CTNNA3: variants seen among roughly 807,000 people sequenced by gnomAD.
The protein encoded by CTNNA3 is catenin alpha 3.
CTNNA3 carries 76 observed loss-of-function variants against 95.7 expected under a neutral mutation model. The ratio of observed to expected loss-of-function variants is 0.79; its 90% confidence interval spans 0.66 to 0.96. The LOEUF is 0.96. Among genes scored for constraint, CTNNA3 ranks in the 40% least tolerant of loss-of-function variants. CTNNA3 has a pLI of 0.00. For synonymous variants in CTNNA3, 431 were observed against 374.4 expected (o/e 1.15, Z -1.74); for missense variants, 1,191 against 1,089.8 (o/e 1.09, Z -1.31).
intron 1 of CTNNA3, among the ~76,000 whole-genome samples, chr10:67,659,001 G>T (rs535190434): frequency 6.6e-6 from 1 of 151,672 alleles, no homozygotes; most frequent in Non-Finnish European, 1.5e-5. Flanking sequence ...TTTATGAAAA[G>T]ATTCAAACAA....
chr10:66,520,768 AATAATCT>A lies in CTNNA3; in HGVS notation c.1375-2_1379del. The stretch of plus-strand genomic sequence containing the variant: ...TTGCAGCCAAAGCAAGTGCAGCATT[AATAATCT>A]ATAAAGATAAGGATTGAAAAAATTA... On this transcript the variant is annotated splice_acceptor_variant and coding_sequence_variant, in exon 11 of 18. Transcript: ENST00000433211. LOFTEE classifies it high-confidence loss of function. 2.5e-6 allele frequency: 4 copies of A among 1,612,104 alleles called. No individual in the cohort carries two copies. Among genetic ancestry groups the A allele is most frequent in the Non-Finnish European group, 3.4e-6 (4 of 1,179,028 alleles).
intron 5 of CTNNA3, among the ~76,000 whole-genome samples, chr10:67,384,442 G>T (rs1844066764): frequency 6.6e-6 from 1 of 152,084 alleles, no homozygotes; most frequent in Non-Finnish European, 1.5e-5. Flanking sequence ...CTAAATATAT[G>T]CATTATCTTC....
At chr10:66,566,117 G>C (rs1175673383) in intron 10 of CTNNA3, among the ~76,000 whole-genome samples, 4 of 152,150 alleles carry the variant, frequency 2.6e-5, no homozygotes, top group Admixed American at 2.6e-4. Flanking sequence ...GTTTTTAAAA[G>C]TTAGCTTTGG....
intron 12 of CTNNA3, among the ~76,000 whole-genome samples, chr10:66,291,293 A>C (rs1187579047): frequency 6.6e-6 from 1 of 152,218 alleles, no homozygotes; most frequent in African/African-American, 2.4e-5. Context: ...ATTATAACAC[A>C]GTAGTTTTCA....
intron 12 of CTNNA3, among the ~76,000 whole-genome samples, chr10:66,299,114 G>C (rs1178309437): frequency 6.6e-6 from 1 of 152,168 alleles, no homozygotes; most frequent in Non-Finnish European, 1.5e-5. Context: ...TTTGCTTCAA[G>C]TTGTCCCGCC....
intron 12 of CTNNA3, 92 bp downstream of exon 12, chr10:66,379,060 C>T: frequency 9.0e-7 from 1 of 1,114,944 alleles, no homozygotes; most frequent in Non-Finnish European, 1.3e-6. Context: ...AGAAGCAACA[C>T]AGACTAGAAT....
chr10:66,597,549 TATA>T lies in CTNNA3; in HGVS notation c.1374+24140_1374+24142del, dbSNP rs1564558080. Among the ~76,000 whole-genome samples the T allele has an allele frequency of 1.3e-3, 164 of 130,466 alleles. 5 individuals carry two copies. In the East Asian group the frequency reaches 0.032, roughly 25 times the overall value. The allele number at this position is 130,466 out of a possible 152,430, so 85.6% of individuals were successfully genotyped here. On this transcript the variant is annotated intron_variant, in intron 10 of 17. Transcript: ENST00000433211. ...ATATATATATATATATATATATATA[TATA>T]TATTTATTAAAAATTTTAAAAATAA...
intron 13 of CTNNA3, among the ~76,000 whole-genome samples, chr10:66,142,888 A>C (rs2083690556): frequency 6.6e-6 from 1 of 152,106 alleles, no homozygotes; most frequent in Non-Finnish European, 1.5e-5. Context: ...TCAGTTGCAG[A>C]GGAAGAAAAG....
chr10:66,020,822 C>T (rs1157962133), intron 15 of CTNNA3, among the ~76,000 whole-genome samples: 29 of 152,024 alleles, frequency 1.9e-4, no homozygotes. Flanking sequence ...CAGGCACCTG[C>T]CACCATACCC....
chr10:66,927,644 T>C lies in CTNNA3; in HGVS notation c.1048-152120A>G, dbSNP rs1303817792. The C allele has an allele frequency of 6.2e-7, 1 of 1,614,056 alleles. No individual in the cohort carries two copies. Among genetic ancestry groups the C allele is most frequent in the Non-Finnish European group, 8.5e-7 (1 of 1,180,038 alleles). On this transcript the variant is annotated intron_variant, in intron 7 of 17. Coordinates refer to ENST00000433211, the MANE Select transcript of CTNNA3 (RefSeq NM_013266.4). The surrounding 1 kb of genome is among the most constrained non-coding windows in gnomAD (Gnocchi z 4.7). ...TACTTGCAGTGGAATAAAATCAGTG[T>C]CATAGGACAGACCATGTCCTGGACC... is the stretch of plus-strand genomic sequence containing the variant.
Position 67,232,730 on chromosome 10 carries a change from A to G in CTNNA3, c.580-12860T>C, listed in dbSNP as rs367910791. ...CACAGACTGGCAAATTGGATAAAGA[A>G]TCAAGACCCATCAGTGTGCTGTATT... On this transcript the variant is annotated intron_variant, in intron 5 of 17. Coordinates refer to ENST00000433211, the MANE Select transcript of CTNNA3 (RefSeq NM_013266.4). 3.0e-3 allele frequency among the ~76,000 whole-genome samples: 455 copies of G among 151,844 alleles called. 2 individuals are homozygous for G. Among genetic ancestry groups the G allele is most frequent in the African/African-American group, 0.011 (444 of 41,318 alleles).
At chr10:67,195,627 C>T (rs907145049) in intron 6 of CTNNA3, among the ~76,000 whole-genome samples, 2 of 151,970 alleles carry the variant, frequency 1.3e-5, no homozygotes, top group Admixed American at 6.6e-5. Flanking sequence ...AAGGAAGCAG[C>T]TTTTCCTAAA....
intron 11 of CTNNA3, among the ~76,000 whole-genome samples, chr10:66,428,760 A>G (rs1220073048): frequency 3.9e-5 from 6 of 152,138 alleles, no homozygotes; most frequent in Non-Finnish European, 8.8e-5. Flanking sequence ...AGCAGTGTGT[A>G]GAGGGAAATT....
Position 65,988,716 on chromosome 10 carries a change from GA to G in CTNNA3, c.2240del (p.Val747AlafsTer33). ...MISESGSRMD[V>X]LARQIANQCP... is the part of the protein sequence containing the mutation. ...CCTGATTAGCAATCTGCCGAGCAAGGACATCCATCCTTGATCCTGATTCTGA... is the reference window on the plus strand; with the variant it reads ...CCTGATTAGCAATCTGCCGAGCAAGGCATCCATCCTTGATCCTGATTCTGA... On this transcript the variant is annotated frameshift_variant, in exon 16 of 18. Transcript: ENST00000433211. LOFTEE classifies it high-confidence loss of function. 1 of 1,613,678 alleles carries G rather than the reference GA, an allele frequency of 6.2e-7. No individual in the cohort carries two copies. The highest frequency in any genetic ancestry group is 8.5e-7 in the Non-Finnish European group (1 of 1,179,780).
chr10:66,057,859 C>T lies in CTNNA3; in HGVS notation c.2159+11449G>A, dbSNP rs747610074. 3.9e-4 allele frequency among the ~76,000 whole-genome samples: 59 copies of T among 152,106 alleles called. No homozygotes were observed. The Middle Eastern group carries it at 0.01, about 26-fold the overall frequency. ...CAAAATTGTAAATAATCCTCTTATC[C>T]CATATTTTATATTTCAATTATTTGT... On this transcript the variant is annotated intron_variant, in intron 15 of 17. Coordinates refer to ENST00000433211, the MANE Select transcript of CTNNA3 (RefSeq NM_013266.4).
chr10:66,737,906 C>T (rs1285121113), intron 9 of CTNNA3, among the ~76,000 whole-genome samples: 1 of 152,176 alleles, frequency 6.6e-6, no homozygotes, highest in Non-Finnish European at 1.5e-5. Context: ...ATCTGCCCGC[C>T]TTGGCCTCCC....
At chr10:67,726,572 C>CATATTATATAATATAATATATATTAT (rs1841226458) in intron 1 of CTNNA3, among the ~76,000 whole-genome samples, 2 of 55,272 alleles carry the variant, frequency 3.6e-5, no homozygotes, top group African/African-American at 1.9e-4. Context: ...ATATATATTA[C>CATATTATATAATATAATATATATTAT]ATATTATATA....
intron 10 of CTNNA3, among the ~76,000 whole-genome samples, chr10:66,554,157 G>A (rs1290420270): frequency 6.6e-6 from 1 of 151,914 alleles, no homozygotes; most frequent in African/African-American, 2.4e-5. Flanking sequence ...ATTTTCTTGA[G>A]ATATGTAAAT....
chr10:66,751,138 C>T (rs1048311006), intron 9 of CTNNA3, among the ~76,000 whole-genome samples: 1 of 151,974 alleles, frequency 6.6e-6, no homozygotes, highest in African/African-American at 2.4e-5. Context: ...CATGGTGGTG[C>T]ATGCCTGTAA....
Sources: gnomAD v4.1 joint callset for allele counts (sites outside exome capture counted in the v4.1 genomes callset) on GRCh38, gnomAD v4.1.1 for gene constraint, Gnocchi (gnomAD v3.1) non-coding constraint, MANE v1.5 for transcripts, NCBI Gene and HGNC (gene_info 2026-07-23, HGNC 2026-07-21) for gene names.